Variants in POU6F2 observed in about 807,000 individuals in gnomAD.
POU6F2 encodes POU class 6 homeobox 2, also known as POU domain, class 6, transcription factor 2.
In POU6F2, 31 loss-of-function variants were observed where a neutral mutation model predicts 71.3. That is an observed-to-expected ratio of 0.43 (90% CI 0.33 to 0.59). The LOEUF (loss-of-function observed/expected upper bound fraction) is 0.59. Among genes scored for constraint, POU6F2 ranks in the 20% least tolerant of loss-of-function variants. The probability of loss-of-function intolerance (pLI) is 0.04; values close to 1 mark genes in which losing one functional copy is unlikely to be tolerated. For synonymous variants in POU6F2, 347 were observed against 355.7 expected (o/e 0.98, Z 0.27); for missense variants, 783 against 856.8 (o/e 0.91, Z 1.07).
intron 2 of POU6F2, among the ~76,000 whole-genome samples, chr7:39,124,772 G>A (rs1176292455): frequency 6.6e-6 from 1 of 152,142 alleles, no homozygotes; most frequent in Admixed American, 6.5e-5. Context: ...CATCTTACAG[G>A]TTTTCCTATC....
intron 1 of POU6F2, among the ~76,000 whole-genome samples, chr7:39,045,077 G>A (rs370429332): frequency 6.6e-6 from 1 of 151,928 alleles, no homozygotes; most frequent in East Asian, 1.9e-4. Flanking sequence ...GGGTACACAG[G>A]TATCCATCTC....
rs574453552 is a variant in POU6F2, at chr7:39,128,141, G to A, written c.277+42110G>A. 4.1e-4 allele frequency among the ~76,000 whole-genome samples: 63 copies of A among 152,128 alleles called. 1 individual carries two copies. In the South Asian group the frequency reaches 7.1e-3, roughly 17 times the overall value. On this transcript the variant is annotated intron_variant, in intron 2 of 9. Coordinates refer to ENST00000518318, the MANE Select transcript of POU6F2 (RefSeq NM_001370959.1). ...CAGGTGTGAGCCACTGTGCCCGGCC[G>A]CCAGTGGAAAGTTTTGAGCTAATAT...
chr7:39,027,605 G>A (rs748821482), intron 1 of POU6F2, among the ~76,000 whole-genome samples: 4 of 152,126 alleles, frequency 2.6e-5, no homozygotes, highest in Non-Finnish European at 4.4e-5. Context: ...AAGGAGTTCC[G>A]TGATTAAGAA....
chr7:39,095,066 A>T (rs1437702325), intron 2 of POU6F2, among the ~76,000 whole-genome samples: 1 of 152,194 alleles, frequency 6.6e-6, no homozygotes, highest in African/African-American at 2.4e-5. Context: ...CATTTAATTA[A>T]ATCCATACAC....
At chr7:39,028,694 G>T (rs1471465226) in intron 1 of POU6F2, among the ~76,000 whole-genome samples, 1 of 151,792 alleles carries the variant, frequency 6.6e-6, no homozygotes, top group African/African-American at 2.4e-5. Flanking sequence ...ATTTTTACAG[G>T]TTTTCTTTAA....
chr7:39,321,512 C>T (rs35130226), intron 4 of POU6F2, among the ~76,000 whole-genome samples: 20,736 of 152,088 alleles, frequency 0.14, 1,499 homozygotes, highest in Admixed American at 0.19. Context: ...AGAGCAGAGT[C>T]GTGAAGGGCT....
chr7:39,155,727 G>T (rs1490711391), intron 2 of POU6F2, among the ~76,000 whole-genome samples: 1 of 152,166 alleles, frequency 6.6e-6, no homozygotes, highest in East Asian at 1.9e-4. Context: ...TTATAATTCA[G>T]TGGTCTTAAT....
chr7:39,380,782 A>G lies in POU6F2; in HGVS notation c.973-25818A>G, dbSNP rs192626710. On this transcript the variant is annotated intron_variant, in intron 5 of 9. Transcript: ENST00000518318. ...GTCTTCCCTTCTTGGTTCTCTTCAC[A>G]GTGATATTTAGTAATGACTTCGCTG... Among the ~76,000 whole-genome samples the G allele has an allele frequency of 5.4e-3, 819 of 152,208 alleles. 10 individuals carry two copies. Among genetic ancestry groups the G allele is most frequent in the Non-Finnish European group, 6.7e-3 (454 of 68,012 alleles).
chr7:39,097,366 G>A (rs1313998722), intron 2 of POU6F2, among the ~76,000 whole-genome samples: 3 of 152,094 alleles, frequency 2.0e-5, no homozygotes, highest in African/African-American at 7.2e-5. Context: ...ATAAAACCAT[G>A]ATATCCTGGG....
chr7:39,256,430 G>A (rs989148945), intron 4 of POU6F2, among the ~76,000 whole-genome samples: 3 of 152,132 alleles, frequency 2.0e-5, no homozygotes, highest in Non-Finnish European at 2.9e-5. Flanking sequence ...GGTGAGCTGG[G>A]AAGATCAGAG....
intron 1 of POU6F2, among the ~76,000 whole-genome samples, chr7:39,020,668 A>C (rs915786456): frequency 5.9e-5 from 9 of 151,958 alleles, no homozygotes; most frequent in Admixed American, 2.6e-4. Flanking sequence ...TTTTTTATCT[A>C]CTTGATCTGT....
At chr7:39,044,944 G>T (rs774650941) in intron 1 of POU6F2, among the ~76,000 whole-genome samples, 1 of 151,842 alleles carries the variant, frequency 6.6e-6, no homozygotes, top group Non-Finnish European at 1.5e-5. Context: ...CATTCCAGGG[G>T]CATGGTTTGG....
chr7:39,124,046 G>C (rs1217210198), intron 2 of POU6F2, among the ~76,000 whole-genome samples: 2 of 103,904 alleles, frequency 1.9e-5, no homozygotes, highest in East Asian at 3.5e-4. Flanking sequence ...CATAGACTGG[G>C]CCTTTTTTTT....
chr7:39,126,107 A>G (rs530170981), intron 2 of POU6F2, among the ~76,000 whole-genome samples: 1 of 152,326 alleles, frequency 6.6e-6, no homozygotes, highest in East Asian at 1.9e-4. Context: ...AGTCTTGCTC[A>G]TTATCAGCTC....
intron 4 of POU6F2, among the ~76,000 whole-genome samples, chr7:39,324,121 GAAAA>G (rs1337504019): frequency 7.8e-6 from 1 of 127,658 alleles, no homozygotes; most frequent in Non-Finnish European, 1.7e-5. Context: ...AAAAAAAAAA[GAAAA>G]AAAAAAGGCT....
intron 4 of POU6F2, among the ~76,000 whole-genome samples, chr7:39,234,576 C>T (rs1180411545): frequency 6.6e-6 from 1 of 152,128 alleles, no homozygotes; most frequent in Admixed American, 6.6e-5. Flanking sequence ...AACAAGATCA[C>T]AGTGTGATCC....
In POU6F2 at chr7:39,464,591, G is replaced by T; in HGVS notation, c.2068G>T (p.Ala690Ser). 1 of 1,611,748 alleles carries T rather than the reference G, an allele frequency of 6.2e-7. No homozygotes were observed. Among genetic ancestry groups the T allele is most frequent in the Non-Finnish European group, 8.5e-7 (1 of 1,178,914 alleles). The change falls in exon 10 of 10, where the codon GCC becomes TCC. Residue 690 changes from alanine to serine, a missense_variant. This residue lies in a region of POU6F2 where 211 missense variants were observed against 283.9 expected (regional missense o/e 0.74). Coordinates refer to ENST00000518318, the MANE Select transcript of POU6F2 (RefSeq NM_001370959.1). The surrounding 1 kb of genome is among the most constrained non-coding windows in gnomAD (Gnocchi z 4.1). The stretch of plus-strand genomic sequence containing the variant: ...AGTTTGGTTCTGCAATAAGAGGCAA[G>T]CCCTGAAGAACACAATTAAACGCTT... Reference protein sequence around the residue: ...VRVWFCNKRQALKNTIKRLKQ... With the variant: ...VRVWFCNKRQSLKNTIKRLKQ...
Position 39,128,337 on chromosome 7 carries a change from T to C in POU6F2, c.277+42306T>C, listed in dbSNP as rs192189858. 1.9e-3 allele frequency among the ~76,000 whole-genome samples: 294 copies of C among 152,350 alleles called. 1 individual carries two copies. The highest frequency in any genetic ancestry group is 6.9e-3 in the African/African-American group (286 of 41,588). Reference sequence around the variant, plus strand: ...ACATTTCTGAACTCTGCTAAAACAATGCTATTATTAACCAAAAAATTAATG... The same window carrying C: ...ACATTTCTGAACTCTGCTAAAACAACGCTATTATTAACCAAAAAATTAATG... On this transcript the variant is annotated intron_variant, in intron 2 of 9. Coordinates refer to ENST00000518318, the MANE Select transcript of POU6F2 (RefSeq NM_001370959.1).
intron 2 of POU6F2, among the ~76,000 whole-genome samples, chr7:39,196,893 A>C (rs1256227378): frequency 6.6e-6 from 1 of 152,218 alleles, no homozygotes; most frequent in Non-Finnish European, 1.5e-5. Flanking sequence ...TAGTAACCCA[A>C]AATTGTATGG....
Sources: gnomAD v4.1 joint callset for allele counts (sites outside exome capture counted in the v4.1 genomes callset) on GRCh38, gnomAD v4.1.1 for gene constraint, gnomAD v4.1.1 regional missense constraint, Gnocchi (gnomAD v3.1) non-coding constraint, MANE v1.5 for transcripts, NCBI Gene and HGNC (gene_info 2026-07-23, HGNC 2026-07-21) for gene names.